The following MND1 variants were observed in gnomAD, a reference collection of about 807,000 sequenced individuals.
MND1 encodes the protein meiotic nuclear division protein 1 homolog.
MND1 carries 28 observed loss-of-function variants against 35.1 expected under a neutral mutation model. The observed-to-expected ratio is 0.80, with a 90% CI of 0.59 to 1.09. The LOEUF (loss-of-function observed/expected upper bound fraction) is 1.09. Among genes scored for constraint, MND1 ranks in the 50% least tolerant of loss-of-function variants. The pLI is 0.00. For missense variants in MND1, 213 were observed against 239.6 expected (o/e 0.89, Z 0.73); for synonymous variants, 69 against 70.5 (o/e 0.98, Z 0.11).
At chr4:153,372,690 A>C (rs1266406455) in intron 4 of MND1, among the ~76,000 whole-genome samples, 1 of 152,118 alleles carries the variant, frequency 6.6e-6, no homozygotes, top group Non-Finnish European at 1.5e-5. Context: ...ATTTCCTAGA[A>C]TTTTATATAG....
At chr4:153,380,796 A>G (rs1728655667) in intron 4 of MND1, among the ~76,000 whole-genome samples, 1 of 152,236 alleles carries the variant, frequency 6.6e-6, no homozygotes, top group South Asian at 2.1e-4. Flanking sequence ...AATAAGGTAA[A>G]TAAACTAAGA....
chr4:153,345,400 G>A, intron 1 of MND1: 1 of 985,526 alleles, frequency 1.0e-6, no homozygotes, highest in Non-Finnish European at 1.2e-6. Flanking sequence ...GGCAGGAGTC[G>A]CTGCTCTTGT....
chr4:153,368,664 G>C (rs1020236385), intron 4 of MND1, among the ~76,000 whole-genome samples: 53 of 152,268 alleles, frequency 3.5e-4, no homozygotes, highest in African/African-American at 1.3e-3. Context: ...CATTCTCAAA[G>C]AATGACAGAG....
At chr4:153,393,017 G>T (rs1729088553) in intron 4 of MND1, among the ~76,000 whole-genome samples, 1 of 152,144 alleles carries the variant, frequency 6.6e-6, no homozygotes, top group Non-Finnish European at 1.5e-5. Flanking sequence ...CTACTGGGAG[G>T]TAGAGGTTGG....
chr4:153,374,423 A>C (rs1023886237), intron 4 of MND1, among the ~76,000 whole-genome samples: 1 of 152,168 alleles, frequency 6.6e-6, no homozygotes, highest in African/African-American at 2.4e-5. Context: ...TACATGCCAG[A>C]CTGCCTAAAT....
Position 153,381,690 on chromosome 4 carries a change from ATATTTTTTTTTTT to A in MND1, c.277-12570_277-12558del, listed in dbSNP as rs1262971417. The A allele has an allele frequency of 4.0e-4, 11 of 27,466 alleles. 1 individual carries two copies. Among genetic ancestry groups the A allele is most frequent in the Admixed American group, 1.2e-3 (2 of 1,636 alleles). 1.7% of individuals were successfully genotyped at this position (27,466 alleles called of 1,614,324 possible). ...ATAATATATATATATATATATATATATATTTTTTTTTTTTTTTTTTTTTTTTTTTTTTTAAGAG... is the reference window on the plus strand; with the variant it reads ...ATAATATATATATATATATATATATATTTTTTTTTTTTTTTTTTTTAAGAG... On this transcript the variant is annotated intron_variant, in intron 4 of 7. Transcript: ENST00000240488.
chr4:153,352,073 A>T (rs1258883156), intron 2 of MND1, among the ~76,000 whole-genome samples: 1 of 152,210 alleles, frequency 6.6e-6, no homozygotes, highest in Non-Finnish European at 1.5e-5. Context: ...ATGACAACTC[A>T]TAGAGAGGGT....
intron 1 of MND1, among the ~76,000 whole-genome samples, chr4:153,349,811 C>T (rs1773166234): frequency 6.6e-6 from 1 of 152,160 alleles, no homozygotes; most frequent in African/African-American, 2.4e-5. Flanking sequence ...AGTGGCTTAT[C>T]ATTGGTTTAC....
intron 4 of MND1, among the ~76,000 whole-genome samples, chr4:153,370,895 G>A (rs1773774457): frequency 6.6e-6 from 1 of 152,034 alleles, no homozygotes; most frequent in Non-Finnish European, 1.5e-5. Flanking sequence ...AGATCCGTCA[G>A]AGGAGTCACT....
Position 153,361,181 on chromosome 4 carries a change from G to A in MND1, c.276+2559G>A, listed in dbSNP as rs907867539. 5.3e-5 allele frequency among the ~76,000 whole-genome samples: 8 copies of A among 152,158 alleles called. No individual in the cohort carries two copies. In the East Asian group the frequency reaches 9.6e-4, roughly 18 times the overall value. On this transcript the variant is annotated intron_variant, in intron 4 of 7. Coordinates refer to ENST00000240488, the MANE Select transcript of MND1 (RefSeq NM_032117.4). ...TTAAAAACACTTCAAGAAGGAATCCGTACTGAAGGACATCCTTTAGTAATT... is the reference window on the plus strand; with the variant it reads ...TTAAAAACACTTCAAGAAGGAATCCATACTGAAGGACATCCTTTAGTAATT...
intron 4 of MND1, among the ~76,000 whole-genome samples, chr4:153,371,019 G>A (rs1199849673): frequency 1.3e-5 from 2 of 152,062 alleles, no homozygotes; most frequent in East Asian, 1.9e-4. Flanking sequence ...GCATGAAAAC[G>A]TTAATCTCCT....
At chr4:153,363,287 C>T (rs906991352) in intron 4 of MND1, among the ~76,000 whole-genome samples, 4 of 151,398 alleles carry the variant, frequency 2.6e-5, no homozygotes, top group Non-Finnish European at 5.9e-5. Flanking sequence ...ACTCAGTTCA[C>T]TGCAACCTCT....
At chr4:153,397,446 GGTAGTATTCTGTTT>G (rs1311689527) in intron 6 of MND1, 113 bp downstream of exon 6, 29 of 690,634 alleles carry the variant, frequency 4.2e-5, no homozygotes, top group Non-Finnish European at 7.0e-5. Context: ...AACTAGTTAA[GGTAGTATTCTGTTT>G]GTAGTACTCT....
chr4:153,344,948 T>A (rs995582285), intron 1 of MND1, among the ~76,000 whole-genome samples: 11 of 152,116 alleles, frequency 7.2e-5, no homozygotes, highest in Non-Finnish European at 1.6e-4. Context: ...GCCGCTCCTG[T>A]CCGGAGTCCC....
intron 4 of MND1, among the ~76,000 whole-genome samples, chr4:153,388,900 C>T (rs947007822): frequency 1.3e-5 from 2 of 152,158 alleles, no homozygotes; most frequent in African/African-American, 4.8e-5. Flanking sequence ...GAACAGGTCT[C>T]AGTGGAGAGG....
At chr4:153,371,272 A>G (rs1773783936) in intron 4 of MND1, among the ~76,000 whole-genome samples, 1 of 152,030 alleles carries the variant, frequency 6.6e-6, no homozygotes, top group Non-Finnish European at 1.5e-5. Context: ...GGCTTCAACT[A>G]AAGTCACCAG....
chr4:153,345,462 G>C, intron 1 of MND1: 1 of 985,448 alleles, frequency 1.0e-6, no homozygotes, highest in East Asian at 1.1e-4. Flanking sequence ...AGGACGCTCT[G>C]CACTGAATTA....
intron 4 of MND1, among the ~76,000 whole-genome samples, chr4:153,386,697 C>G (rs1407043233): frequency 6.6e-6 from 1 of 151,974 alleles, no homozygotes; most frequent in Non-Finnish European, 1.5e-5. Flanking sequence ...GCTTGGGCGA[C>G]AGAGCAAGAC....
At chr4:153,352,473 C>T (rs951834957) in intron 2 of MND1, among the ~76,000 whole-genome samples, 3 of 152,130 alleles carry the variant, frequency 2.0e-5, no homozygotes, top group Non-Finnish European at 2.9e-5. Flanking sequence ...ATGTCTGTTT[C>T]TTCATCTCTT....
Sources: allele counts gnomAD v4.1 joint callset (sites outside exome capture counted in the v4.1 genomes callset), GRCh38; gene constraint gnomAD v4.1.1; transcripts MANE v1.5; gene names NCBI Gene and HGNC (gene_info 2026-07-23, HGNC 2026-07-21).